The following ADGRE2 variants were observed in gnomAD, a reference collection of about 807,000 sequenced individuals.
ADGRE2 encodes adhesion G protein-coupled receptor E2.
A neutral mutation model predicts 100.8 loss-of-function variants in ADGRE2; 83 were observed. That is an observed-to-expected ratio of 0.82 (90% confidence interval 0.69 to 0.99). ADGRE2 has a LOEUF of 0.99. Among genes scored for constraint, ADGRE2 ranks in the 50% least tolerant of loss-of-function variants. The pLI, the probability that ADGRE2 is intolerant of heterozygous loss-of-function variation, is 0.00. For missense variants in ADGRE2, 814 were observed against 1,035.7 expected (o/e 0.79, Z 2.94); for synonymous variants, 355 against 413.0 (o/e 0.86, Z 1.70).
rs150053011 is a variant in ADGRE2 at position 14,766,958 on chromosome 19, C to T, written c.487+20G>A. On this transcript the variant is annotated intron_variant, in intron 6 of 20. Coordinates refer to ENST00000315576, the MANE Select transcript of ADGRE2 (RefSeq NM_013447.4). ...CCCCAGCTCCCGTCCAGCCTCACAG[C>T]GTCTTCCTGGGGCCTCTACCTGTGC... is the stretch of plus-strand genomic sequence containing the variant. 130 of 1,539,180 alleles carry T rather than the reference C, an allele frequency of 8.4e-5. 2 individuals carry two copies. The African/African-American group carries it at 1.6e-3, about 19-fold the overall frequency.
In ADGRE2 at chr19:14,774,678, C is replaced by T. The variant is rs776916197; in HGVS notation, c.32-372G>A. ...TGAGTACCGCCATATTTTAAATTTT[C>T]TTTCTTTCTTTTTGAGACAGGGTCT... On this transcript the variant is annotated intron_variant, in intron 2 of 20. Coordinates refer to ENST00000315576, the MANE Select transcript of ADGRE2 (RefSeq NM_013447.4). 1.5e-5 allele frequency among the ~76,000 whole-genome samples: 2 copies of T among 130,794 alleles called. 1 individual carries two copies. 85.8% of individuals were successfully genotyped at this position (130,794 alleles called of 152,430 possible). A position where few individuals can be genotyped will look rare whatever the true frequency, so the allele number is the denominator to read the frequency against.
At chr19:14,741,897 A>G (rs1384488013) in intron 20 of ADGRE2, 4 of 397,458 alleles carry the variant, frequency 1.0e-5, no homozygotes, top group African/African-American at 2.1e-5. Flanking sequence ...TGAGAAAAAT[A>G]CAACAGAACT....
At chr19:14,770,433 C>T (rs944512043) in intron 5 of ADGRE2, among the ~76,000 whole-genome samples, 18 of 152,062 alleles carry the variant, frequency 1.2e-4, no homozygotes, top group African/African-American at 4.1e-4. Flanking sequence ...TTTCTTTATA[C>T]ATGATCCAGC....
At position 14,732,740 on chromosome 19, in the gene ADGRE2, ATCAT is replaced by A. The variant is rs1243143635; in HGVS notation, c.*3492_*3495del. The stretch of plus-strand genomic sequence containing the variant: ...AAAGTTTTATTAAAACATAGCCATG[ATCAT>A]TCATTTATGATTGTCTATAGCTGTT... On this transcript the variant is annotated 3_prime_UTR_variant, in exon 21 of 21. Transcript: ENST00000315576. 1 of 152,244 alleles carries A rather than the reference ATCAT, an allele frequency of 6.6e-6. No individual in the cohort carries two copies. The highest frequency in any genetic ancestry group is 1.5e-5 in the Non-Finnish European group (1 of 68,042). 9.4% of individuals were successfully genotyped at this position (152,244 alleles called of 1,614,324 possible).
In ADGRE2 at chr19:14,732,797, A is replaced by C. The variant is rs909093161; in HGVS notation, c.*3439T>G. On this transcript the variant is annotated 3_prime_UTR_variant, in exon 21 of 21. Coordinates refer to ENST00000315576, the MANE Select transcript of ADGRE2 (RefSeq NM_013447.4). Reference sequence around the variant, plus strand: ...CATATCACAATGGAAGTTCAAGTTCAGTGTCTGTAAAGTTTTATTAAAACA... The same window carrying C: ...CATATCACAATGGAAGTTCAAGTTCCGTGTCTGTAAAGTTTTATTAAAACA... 6.6e-6 allele frequency: 1 copy of C among 152,162 alleles called. No homozygotes were observed. The highest frequency in any genetic ancestry group is 1.5e-5 in the Non-Finnish European group (1 of 68,040). 9.4% of individuals were successfully genotyped at this position (152,162 alleles called of 1,614,324 possible). A position where few individuals can be genotyped will look rare whatever the true frequency, so the allele number is the denominator to read the frequency against.
intron 19 of ADGRE2, 25 bp downstream of exon 19, chr19:14,743,591 C>T: frequency 6.2e-7 from 1 of 1,614,094 alleles, no homozygotes; most frequent in Non-Finnish European, 8.5e-7. Flanking sequence ...AGGAAGAGTC[C>T]TGGGTGGGAG....
intron 20 of ADGRE2, 152 bp downstream of exon 20, chr19:14,743,268 A>T: frequency 1.5e-6 from 1 of 689,404 alleles, no homozygotes; most frequent in African/African-American, 1.8e-5. Flanking sequence ...TTAAACTGAG[A>T]TCATTGCTAA....
At chr19:14,754,397 C>T (rs2147261376) in intron 14 of ADGRE2, among the ~76,000 whole-genome samples, 1 of 152,040 alleles carries the variant, frequency 6.6e-6, no homozygotes, top group East Asian at 1.9e-4. Context: ...TGGGCACCAT[C>T]TAATCAGCTG....
chr19:14,764,635 A>G (rs1270084645), intron 10 of ADGRE2, 25 bp from the exon 11 acceptor site: 1 of 1,596,654 alleles, frequency 6.3e-7, no homozygotes, highest in Admixed American at 1.7e-5. Context: ...ACACAGACCT[A>G]GTGAGCCATG....
rs775317872 is a variant in ADGRE2 at position 14,752,358 on chromosome 19, G to A, written c.1759C>T (p.Leu587Phe). The change falls in exon 15 of 21, where the codon CTC becomes TTC. Residue 587 changes from leucine (L) to phenylalanine (F), a missense_variant. Around this residue, in one of 5 missense-constraint regions of ADGRE2, gnomAD observed 569 missense variants for 692.7 expected, o/e 0.82. Coordinates refer to ENST00000315576, the MANE Select transcript of ADGRE2 (RefSeq NM_013447.4). ...LCLFLAHLLF[L>F]VAIDQTGHKV... The stretch of plus-strand genomic sequence containing the variant: ...TGTCCGGTTTGATCAATTGCCACGA[G>A]GAAGAGGAGGTGGGCCAGGAAGAGG... 1.2e-6 allele frequency: 2 copies of A among 1,614,182 alleles called. No homozygotes were observed. The highest frequency in any genetic ancestry group is 2.2e-5 in the East Asian group (1 of 44,886).
chr19:14,747,020 GTAAATCTA>G (rs1173188292), intron 16 of ADGRE2, 58 bp from the exon 17 acceptor site: 1 of 1,410,380 alleles, frequency 7.1e-7, no homozygotes, highest in Non-Finnish European at 9.9e-7. Flanking sequence ...GAACAGTTAT[GTAAATCTA>G]TTCCATCCCT....
Position 14,746,221 on chromosome 19 carries a change from C to CA in ADGRE2, c.2183+10_2183+11insT, listed in dbSNP as rs1568584565. The CA allele has an allele frequency of 1.5e-5, 23 of 1,529,134 alleles. No individual in the cohort carries two copies. The Admixed American group carries it at 3.9e-4, about 26-fold the overall frequency. The allele number at this position is 1,529,134 out of a possible 1,614,324, so 94.7% of individuals were successfully genotyped here. On this transcript the variant is annotated intron_variant, in intron 18 of 20. Transcript: ENST00000315576. ...ATGTCTGTGTGGTTATCACCCCCTT[C>CA]TCCATCTTACCTTGTGTTCCGGAGG...
chr19:14,764,632 C>A, intron 10 of ADGRE2, 22 bp from the exon 11 acceptor site: 2 of 1,597,510 alleles, frequency 1.3e-6, no homozygotes, highest in Non-Finnish European at 1.7e-6. Flanking sequence ...TGGACACAGA[C>A]CTAGTGAGCC....
chr19:14,762,477 T>C (rs752265016), intron 11 of ADGRE2, among the ~76,000 whole-genome samples: 20 of 151,988 alleles, frequency 1.3e-4, no homozygotes, highest in Non-Finnish European at 2.4e-4. Flanking sequence ...CTGCCATGGG[T>C]TGGAGGAAGG....
chr19:14,755,311 G>C (rs1201450165), intron 13 of ADGRE2, among the ~76,000 whole-genome samples, 184 bp from the exon 14 acceptor site: 1 of 151,990 alleles, frequency 6.6e-6, no homozygotes, highest in Non-Finnish European at 1.5e-5. Context: ...AAATTAGCTG[G>C]GCGTGGTAGC....
chr19:14,740,621 C>CAAAAAAAAAAAAAA (rs3057546), intron 20 of ADGRE2, among the ~76,000 whole-genome samples: 2 of 124,058 alleles, frequency 1.6e-5, no homozygotes, highest in Admixed American at 8.6e-5. Flanking sequence ...AACTCCGTCT[C>CAAAAAAAAAAAAAA]AAAAAAAAAA....
chr19:14,737,322 C>T (rs1346622454), intron 20 of ADGRE2, among the ~76,000 whole-genome samples: 1 of 151,908 alleles, frequency 6.6e-6, no homozygotes, highest in Non-Finnish European at 1.5e-5. Flanking sequence ...CGAGTAGCTG[C>T]AACTACAGGC....
At chr19:14,732,028 C>T (rs748054300), downstream of ADGRE2, 1 of 152,130 alleles carries the variant, frequency 6.6e-6, no homozygotes, top group Non-Finnish European at 1.5e-5. Flanking sequence ...CCTTTCCTTC[C>T]TCCTCATTTT....
Position 14,743,519 on chromosome 19 carries a change from T to C in ADGRE2, c.2364A>G (p.Gln788=). 1 of 1,614,128 alleles carries C rather than the reference T, an allele frequency of 6.2e-7. No homozygotes were observed. Among genetic ancestry groups the C allele is most frequent in the Non-Finnish European group, 8.5e-7 (1 of 1,180,000 alleles). ...TGATCCCTTTGGACCATTTCCCATA[T>C]TGCTCCCGGACCTGCAGAGGCAAAG... ...YCLLSQQVRE[Q]YGKWSKGIRK... is the part of the protein sequence containing the mutation. The change falls in exon 20 of 21, where the codon CAA becomes CAG. Residue 788 remains glutamine (Q), a synonymous_variant. Coordinates refer to ENST00000315576, the MANE Select transcript of ADGRE2 (RefSeq NM_013447.4).
Sources: gnomAD v4.1 joint callset for allele counts (sites outside exome capture counted in the v4.1 genomes callset) on GRCh38, gnomAD v4.1.1 for gene constraint, gnomAD v4.1.1 regional missense constraint, MANE v1.5 for transcripts, NCBI Gene and HGNC (gene_info 2026-07-23, HGNC 2026-07-21) for gene names.